TTC7B: variants seen among roughly 807,000 people sequenced by gnomAD.
The protein encoded by TTC7B is tetratricopeptide repeat domain 7B.
Under a neutral mutation model 106.8 loss-of-function variants are expected in TTC7B, and 28 were observed. The ratio of observed to expected loss-of-function variants is 0.26; its 90% CI spans 0.19 to 0.36. TTC7B has a LOEUF of 0.36. Ranked by LOEUF, TTC7B falls within the 10% of genes least tolerant of loss-of-function variation. The pLI is 1.00. For synonymous variants in TTC7B, 405 were observed against 430.6 expected (o/e 0.94, Z 0.74); for missense variants, 862 against 1,076.4 (o/e 0.80, Z 2.79).
intron 5 of TTC7B, among the ~76,000 whole-genome samples, chr14:90,696,726 ACT>A (rs1840490854): frequency 6.6e-6 from 1 of 152,138 alleles, no homozygotes; most frequent in African/African-American, 2.4e-5. Flanking sequence ...GTACATAAAT[ACT>A]CCCATAGTCC....
At chr14:90,601,047 T>A (rs1892403060) in intron 17 of TTC7B, among the ~76,000 whole-genome samples, 1 of 152,190 alleles carries the variant, frequency 6.6e-6, no homozygotes, top group African/African-American at 2.4e-5. Flanking sequence ...TCTACCTGAG[T>A]GCCACTTACT....
intron 18 of TTC7B, among the ~76,000 whole-genome samples, chr14:90,589,001 T>C (rs891535584): frequency 2.0e-5 from 3 of 151,290 alleles, no homozygotes; most frequent in Admixed American, 2.0e-4. Context: ...AAGCTCAGTA[T>C]CTAAGAAGAT....
intron 18 of TTC7B, among the ~76,000 whole-genome samples, chr14:90,588,076 C>T (rs1194127085): frequency 6.6e-6 from 1 of 152,202 alleles, no homozygotes; most frequent in East Asian, 1.9e-4. Flanking sequence ...CGTGTTCCCT[C>T]TCACAGGCGC....
At chr14:90,561,617 TG>T (rs1209351923) in intron 19 of TTC7B, among the ~76,000 whole-genome samples, 2 of 152,186 alleles carry the variant, frequency 1.3e-5, no homozygotes, top group African/African-American at 4.8e-5. Context: ...AAAGAAAAAC[TG>T]AGGCCCAGAG....
At chr14:90,603,200 G>C in intron 17 of TTC7B, 3 of 1,133,992 alleles carry the variant, frequency 2.6e-6, no homozygotes, top group Non-Finnish European at 3.5e-6. Flanking sequence ...GTGGTGGGGG[G>C]AGTGTGATTC....
At chr14:90,553,698 G>A (rs146585052) in intron 19 of TTC7B, among the ~76,000 whole-genome samples, 116 of 152,286 alleles carry the variant, frequency 7.6e-4, no homozygotes, top group African/African-American at 2.5e-3. Context: ...AACAGCGCAC[G>A]CTCCCTCTCT....
chr14:90,649,287 T>A (rs1885610653), intron 13 of TTC7B, among the ~76,000 whole-genome samples: 2 of 152,244 alleles, frequency 1.3e-5, no homozygotes, highest in South Asian at 4.1e-4. Context: ...CACTTCACCC[T>A]CTGAAGGAAA....
intron 17 of TTC7B, among the ~76,000 whole-genome samples, chr14:90,602,488 C>T (rs752805625): frequency 1.3e-5 from 2 of 152,152 alleles, no homozygotes; most frequent in African/African-American, 4.8e-5. Context: ...ATCGCTTGAG[C>T]CCAGGAGTTG....
chr14:90,724,862 A>C (rs543080869), intron 5 of TTC7B, among the ~76,000 whole-genome samples: 1 of 152,372 alleles, frequency 6.6e-6, no homozygotes, highest in Non-Finnish European at 1.5e-5. Context: ...ACTCGAATGC[A>C]TGAATAAATG....
chr14:90,597,120 C>A (rs901787270), intron 17 of TTC7B, among the ~76,000 whole-genome samples: 31 of 152,106 alleles, frequency 2.0e-4, no homozygotes, highest in African/African-American at 7.2e-4. Context: ...TGTTTTTCTT[C>A]CTAGTCAATT....
At chr14:90,744,966 A>G in intron 3 of TTC7B, 44 bp from the exon 4 acceptor site, 1 of 1,603,606 alleles carries the variant, frequency 6.2e-7, no homozygotes, top group Non-Finnish European at 8.5e-7. Flanking sequence ...ATTTTTTTTC[A>G]TAAGGCTTCA....
chr14:90,796,161 G>A (rs1218930007), intron 1 of TTC7B, among the ~76,000 whole-genome samples: 1 of 152,146 alleles, frequency 6.6e-6, no homozygotes, highest in Non-Finnish European at 1.5e-5. Flanking sequence ...AACCCCTCTG[G>A]GGCAGAGGCT....
intron 9 of TTC7B, among the ~76,000 whole-genome samples, chr14:90,662,263 C>A (rs1886238963): frequency 6.6e-6 from 1 of 152,212 alleles, no homozygotes. Flanking sequence ...GGGAAGGGGC[C>A]TCTGGACCTC....
chr14:90,676,219 G>T, intron 9 of TTC7B: 1 of 217,236 alleles, frequency 4.6e-6, no homozygotes, highest in East Asian at 9.5e-5. Flanking sequence ...TATCACAGAT[G>T]GGAGATTTTC....
intron 15 of TTC7B, among the ~76,000 whole-genome samples, chr14:90,638,962 C>G (rs1885056115): frequency 1.3e-5 from 2 of 152,218 alleles, no homozygotes; most frequent in Non-Finnish European, 2.9e-5. Context: ...GGCAAAGAAT[C>G]TTTTCAGCGT....
intron 3 of TTC7B, among the ~76,000 whole-genome samples, chr14:90,764,749 A>AC (rs1890617234): frequency 1.3e-5 from 2 of 152,196 alleles, no homozygotes; most frequent in African/African-American, 4.8e-5. Flanking sequence ...GCAAATAAAA[A>AC]CCACAATGAG....
chr14:90,628,724 G>A (rs1019434085), intron 15 of TTC7B, among the ~76,000 whole-genome samples: 5 of 152,242 alleles, frequency 3.3e-5, no homozygotes, highest in Non-Finnish European at 5.9e-5. Flanking sequence ...AGGGCCACAT[G>A]GGACCGCGCA....
chr14:90,618,969 T>C (rs1040912241), intron 15 of TTC7B, among the ~76,000 whole-genome samples: 1 of 152,234 alleles, frequency 6.6e-6, no homozygotes, highest in Non-Finnish European at 1.5e-5. Flanking sequence ...AGTGGCACGG[T>C]CTTGGCTCAC....
At position 90,538,639 on chromosome 14, in the gene TTC7B, GGAAAACA is replaced by G. The variant is rs1214369319; in HGVS notation, c.*2722_*2728del. 1 of 152,388 alleles carries G rather than the reference GGAAAACA, an allele frequency of 6.6e-6. No homozygotes were observed. The highest frequency in any genetic ancestry group is 1.5e-5 in the Non-Finnish European group (1 of 68,184). The allele number at this position is 152,388 out of a possible 1,614,324, so 9.4% of individuals were successfully genotyped here. ...TTGGGTAGAAAAGACAAGATTTACT[GGAAAACA>G]GAATATGAGGTGGGTGAGTGGGATT... is the stretch of plus-strand genomic sequence containing the variant. On this transcript the variant is annotated 3_prime_UTR_variant, in exon 20 of 20. Transcript: ENST00000328459.
Sources: gnomAD v4.1 joint callset for allele counts (sites outside exome capture counted in the v4.1 genomes callset) on GRCh38, gnomAD v4.1.1 for gene constraint, MANE v1.5 for transcripts, NCBI Gene and HGNC (gene_info 2026-07-23, HGNC 2026-07-21) for gene names.